The following NALCN variants were observed in gnomAD, a reference collection of about 807,000 sequenced individuals.
NALCN encodes the protein sodium leak channel, non-selective.
NALCN carries 111 observed loss-of-function variants against 225.3 expected under a neutral mutation model. The ratio of observed to expected loss-of-function variants is 0.49; its 90% confidence interval spans 0.42 to 0.58. The LOEUF (loss-of-function observed/expected upper bound fraction) is 0.58. NALCN is among the 20% of genes least tolerant of loss of function. The pLI, the probability that NALCN is intolerant of heterozygous loss-of-function variation, is 0.00. For synonymous variants in NALCN, 764 were observed against 769.0 expected, an observed-to-expected ratio of 0.99 and a Z score of 0.11; for missense variants, 1,378 against 2,202.4, an observed-to-expected ratio of 0.63 and a Z score of 7.49.
At chr13:101,356,992 C>T (rs1221480521) in intron 6 of NALCN, among the ~76,000 whole-genome samples, 1 of 152,186 alleles carries the variant, frequency 6.6e-6, no homozygotes, top group Non-Finnish European at 1.5e-5. Flanking sequence ...AACAACTCTT[C>T]ATGTTAAAAG....
chr13:101,370,580 C>T (rs1212179092), intron 6 of NALCN, among the ~76,000 whole-genome samples: 1 of 152,138 alleles, frequency 6.6e-6, no homozygotes, highest in Non-Finnish European at 1.5e-5. Flanking sequence ...GTCCAATAGA[C>T]CAGTGAAGCA....
Position 101,173,295 on chromosome 13 carries a change from G to C in NALCN, c.1839+3005C>G, listed in dbSNP as rs188684962. ...ATTATTTATAAACAAATAATTCATA[G>C]TCCTATGAGTGCCCTCCCCAGTATG... On this transcript the variant is annotated intron_variant, in intron 15 of 43. Coordinates refer to ENST00000251127, the MANE Select transcript of NALCN (RefSeq NM_052867.4). Among the ~76,000 whole-genome samples the C allele has an allele frequency of 2.8e-3, 430 of 152,240 alleles. 1 individual carries two copies. Among genetic ancestry groups the C allele is most frequent in the Non-Finnish European group, 4.3e-3 (295 of 68,026 alleles).
intron 27 of NALCN, among the ~76,000 whole-genome samples, chr13:101,100,125 T>C (rs1336693400): frequency 6.6e-6 from 1 of 152,136 alleles, no homozygotes; most frequent in East Asian, 1.9e-4. Context: ...TCTGGGCAGC[T>C]AGAGCTAATG....
chr13:101,340,181 T>C (rs4772367), intron 7 of NALCN, among the ~76,000 whole-genome samples: 45,690 of 151,718 alleles, frequency 0.3, 7,068 homozygotes, highest in Non-Finnish European at 0.34. Context: ...GGCAGGAGAA[T>C]TGCTTGAACC....
At chr13:101,197,046 G>A (rs140146307) in intron 13 of NALCN, among the ~76,000 whole-genome samples, 2 of 151,940 alleles carry the variant, frequency 1.3e-5, no homozygotes, top group Non-Finnish European at 2.9e-5. Context: ...AGCCTCCTCA[G>A]CTGAAAAAAA....
chr13:101,232,023 C>G (rs1365626795), intron 12 of NALCN, among the ~76,000 whole-genome samples: 1 of 146,444 alleles, frequency 6.8e-6, no homozygotes, highest in Admixed American at 6.9e-5. Flanking sequence ...TAATCCCCAA[C>G]GGGTACTGCT....
At chr13:101,344,370 T>TA (rs1314838745) in intron 7 of NALCN, among the ~76,000 whole-genome samples, 4 of 152,020 alleles carry the variant, frequency 2.6e-5, no homozygotes, top group Non-Finnish European at 5.9e-5. Flanking sequence ...TATGAGGAAA[T>TA]ACTAAAACAT....
chr13:101,400,782 A>T (rs1209586999), intron 1 of NALCN, among the ~76,000 whole-genome samples: 1 of 151,824 alleles, frequency 6.6e-6, no homozygotes, highest in Non-Finnish European at 1.5e-5. Flanking sequence ...ACCCCCCAAA[A>T]TTTCATCTTG....
intron 13 of NALCN, among the ~76,000 whole-genome samples, chr13:101,195,453 C>T (rs1018042632): frequency 3.3e-5 from 5 of 152,178 alleles, no homozygotes; most frequent in Admixed American, 6.5e-5. Context: ...ACTTCTCTCA[C>T]TGCATGATTA....
At chr13:101,370,086 T>A (rs1314498508) in intron 6 of NALCN, among the ~76,000 whole-genome samples, 4 of 152,210 alleles carry the variant, frequency 2.6e-5, no homozygotes, top group Non-Finnish European at 5.9e-5. Flanking sequence ...ATGCCTTCAA[T>A]AAATAGTTAC....
At chr13:101,234,286 G>A (rs1413499256) in intron 12 of NALCN, among the ~76,000 whole-genome samples, 1 of 152,146 alleles carries the variant, frequency 6.6e-6, no homozygotes, top group African/African-American at 2.4e-5. Flanking sequence ...TCAGTATCTG[G>A]AACAGTGGCT....
chr13:101,417,018 G>A (rs2139581199), upstream of NALCN, among the ~76,000 whole-genome samples: 1 of 152,224 alleles, frequency 6.6e-6, no homozygotes, highest in South Asian at 2.1e-4. Flanking sequence ...TTCTAAATAG[G>A]TTGACGTTCG....
chr13:101,366,261 A>G (rs2046374731), intron 6 of NALCN, among the ~76,000 whole-genome samples: 1 of 152,178 alleles, frequency 6.6e-6, no homozygotes. Flanking sequence ...ACTGCTACTG[A>G]AGACATAACT....
At chr13:101,323,208 C>T (rs1428866188) in intron 7 of NALCN, among the ~76,000 whole-genome samples, 1 of 152,104 alleles carries the variant, frequency 6.6e-6, no homozygotes, top group Non-Finnish European at 1.5e-5. Context: ...GTATATAAAA[C>T]AGTCAATTAA....
intron 6 of NALCN, among the ~76,000 whole-genome samples, chr13:101,366,062 G>C (rs1817868036): frequency 6.6e-6 from 1 of 152,026 alleles, no homozygotes; most frequent in Admixed American, 6.6e-5. Flanking sequence ...AAACATTCCT[G>C]TTCCAGCTTC....
At chr13:101,190,008 C>T (rs958006126) in intron 14 of NALCN, among the ~76,000 whole-genome samples, 1 of 152,064 alleles carries the variant, frequency 6.6e-6, no homozygotes, top group African/African-American at 2.4e-5. Flanking sequence ...AGGCTATATA[C>T]CAGTTTTAAT....
chr13:101,387,082 G>A (rs1218637984), intron 3 of NALCN, among the ~76,000 whole-genome samples: 12 of 150,830 alleles, frequency 8.0e-5, no homozygotes, highest in East Asian at 7.8e-4. Flanking sequence ...TTAGCCGGGC[G>A]CGGTGGCGGG....
At chr13:101,158,806 G>C (rs1245682714) in intron 15 of NALCN, among the ~76,000 whole-genome samples, 1 of 152,144 alleles carries the variant, frequency 6.6e-6, no homozygotes, top group Admixed American at 6.5e-5. Context: ...TTGCGCTTTG[G>C]CAAAGGAGGA....
chr13:101,276,236 G>T (rs866409495), intron 10 of NALCN, among the ~76,000 whole-genome samples: 1 of 152,060 alleles, frequency 6.6e-6, no homozygotes, highest in Non-Finnish European at 1.5e-5. Context: ...TCGTTTTAAC[G>T]TGAGGATAAA....
Sources: gnomAD v4.1 joint callset for allele counts (sites outside exome capture counted in the v4.1 genomes callset) on GRCh38, gnomAD v4.1.1 for gene constraint, MANE v1.5 for transcripts, NCBI Gene and HGNC (gene_info 2026-07-23, HGNC 2026-07-21) for gene names.